The following ERP44 variants were observed in gnomAD, a reference collection of about 807,000 sequenced individuals.
ERP44 encodes the protein endoplasmic reticulum resident protein 44.
Under a neutral mutation model 53.4 loss-of-function variants are expected in ERP44, and 25 were observed. The observed-to-expected ratio is 0.47, with a 90% confidence interval of 0.34 to 0.65. ERP44 has a LOEUF of 0.65. Ranked by LOEUF, ERP44 falls within the 30% of genes least tolerant of loss-of-function variation. ERP44 has a pLI of 0.01. For missense variants in ERP44, 338 were observed against 493.2 expected (o/e 0.69, Z 2.98); for synonymous variants, 145 against 161.2 (o/e 0.90, Z 0.76).
intron 1 of ERP44, among the ~76,000 whole-genome samples, chr9:100,087,443 A>C (rs1167533230): frequency 6.6e-6 from 1 of 152,192 alleles, no homozygotes; most frequent in Non-Finnish European, 1.5e-5. Flanking sequence ...TTTCAAAAAA[A>C]GGGTATCTAT....
intron 4 of ERP44, among the ~76,000 whole-genome samples, chr9:100,026,616 C>CA (rs35969621): frequency 2.0e-5 from 3 of 151,918 alleles, no homozygotes; most frequent in African/African-American, 7.3e-5. Flanking sequence ...TTCATACTGG[C>CA]AAAAAATCAG....
chr9:99,989,917 G>A (rs1224869782), intron 10 of ERP44, among the ~76,000 whole-genome samples: 2 of 152,142 alleles, frequency 1.3e-5, no homozygotes, highest in African/African-American at 4.8e-5. Context: ...TGGAAGAAAG[G>A]GTATCAGTGA....
At chr9:99,998,780 C>T (rs1021048280) in intron 10 of ERP44, 46 of 850,670 alleles carry the variant, frequency 5.4e-5, no homozygotes, top group Non-Finnish European at 6.5e-5. Flanking sequence ...TCTCCTCCTC[C>T]GTTCTTCTCG....
chr9:99,997,647 C>G (rs1263324525), intron 10 of ERP44, among the ~76,000 whole-genome samples: 1 of 152,080 alleles, frequency 6.6e-6, no homozygotes, highest in Non-Finnish European at 1.5e-5. Context: ...TGGTTTAAAC[C>G]GTAATGGTTA....
At chr9:99,998,137 A>G (rs1830333564) in intron 10 of ERP44, among the ~76,000 whole-genome samples, 1 of 152,206 alleles carries the variant, frequency 6.6e-6, no homozygotes, top group African/African-American at 2.4e-5. Flanking sequence ...CATGATCACT[A>G]CTTTCTTTAG....
At chr9:100,040,309 T>G (rs906395731) in intron 4 of ERP44, among the ~76,000 whole-genome samples, 1 of 152,286 alleles carries the variant, frequency 6.6e-6, no homozygotes, top group Non-Finnish European at 1.5e-5. Flanking sequence ...AGAAAGATCA[T>G]TAATCATGAC....
At chr9:100,025,974 A>C (rs1225839931) in intron 4 of ERP44, among the ~76,000 whole-genome samples, 1 of 152,226 alleles carries the variant, frequency 6.6e-6, no homozygotes, top group Non-Finnish European at 1.5e-5. Context: ...TTTTTAAGAT[A>C]CCAGAAATCA....
chr9:100,078,790 T>G (rs1350761439), intron 1 of ERP44, among the ~76,000 whole-genome samples: 2 of 151,618 alleles, frequency 1.3e-5, no homozygotes, highest in Admixed American at 6.6e-5. Flanking sequence ...TAAAGAAAAA[T>G]ATCTTCATTT....
At chr9:100,068,259 C>G (rs1826249593) in intron 1 of ERP44, among the ~76,000 whole-genome samples, 1 of 141,284 alleles carries the variant, frequency 7.1e-6, no homozygotes, top group Admixed American at 7.0e-5. Flanking sequence ...TGAGGGGCGC[C>G]TCTGCCCAGC....
intron 4 of ERP44, among the ~76,000 whole-genome samples, chr9:100,046,260 G>T (rs1172663830): frequency 6.6e-6 from 1 of 151,998 alleles, no homozygotes; most frequent in East Asian, 1.9e-4. Context: ...AATGAAGACT[G>T]AGAAACAAAT....
At chr9:100,074,512 C>T (rs915885177) in intron 1 of ERP44, among the ~76,000 whole-genome samples, 22 of 152,044 alleles carry the variant, frequency 1.4e-4, no homozygotes, top group Admixed American at 3.9e-4. Context: ...AATTATAAAC[C>T]GAGAATCATG....
At chr9:99,996,644 A>G (rs1331531951) in intron 10 of ERP44, among the ~76,000 whole-genome samples, 1 of 152,024 alleles carries the variant, frequency 6.6e-6, no homozygotes, top group Non-Finnish European at 1.5e-5. Context: ...AGCAGTATAC[A>G]CTACACCCTA....
rs747310937 is a variant in ERP44, at chr9:100,052,486, C to T, written c.217G>A (p.Asp73Asn). The change falls in exon 4 of 12, where the codon GAT (aspartate) becomes AAT (asparagine). Residue 73 changes from aspartate to asparagine, a missense_variant. Physicochemically the swap from Asp to Asn is conservative, Grantham distance 23. Coordinates refer to ENST00000262455, the MANE Select transcript of ERP44 (RefSeq NM_015051.3). ...TTTGGAAATTCTTCCTTAATGACAT[C>T]GGAAGCTTCCTCAAAAATTGGATGC... ...MLHPIFEEAS[D>N]VIKEEFPNEN... 1.7e-5 allele frequency: 27 copies of T among 1,612,762 alleles called. No individual in the cohort carries two copies. The highest frequency in any genetic ancestry group is 4.5e-5 in the East Asian group (2 of 44,820).
At chr9:99,999,157 C>G (rs1392826629) in intron 10 of ERP44, 1 of 553,262 alleles carries the variant, frequency 1.8e-6, no homozygotes, top group African/African-American at 1.9e-5. Flanking sequence ...GGCCAGGGCT[C>G]CGCCCCCCGA....
At chr9:100,010,960 A>G (rs1830470084) in intron 8 of ERP44, among the ~76,000 whole-genome samples, 1 of 152,030 alleles carries the variant, frequency 6.6e-6, no homozygotes, top group African/African-American at 2.4e-5. Flanking sequence ...ATTTTTATAA[A>G]CTGTTAGCAG....
At chr9:100,050,386 C>G (rs1826023638) in intron 4 of ERP44, among the ~76,000 whole-genome samples, 1 of 152,050 alleles carries the variant, frequency 6.6e-6, no homozygotes, top group Admixed American at 6.5e-5. Flanking sequence ...TTTCAAAGCA[C>G]TGATACGTAT....
At chr9:100,075,216 TA>T (rs1826343187) in intron 1 of ERP44, among the ~76,000 whole-genome samples, 1 of 152,224 alleles carries the variant, frequency 6.6e-6, no homozygotes, top group African/African-American at 2.4e-5. Flanking sequence ...AGGATTATCG[TA>T]AGCTTAACCA....
rs563001259 is a variant in ERP44 at position 100,029,945 on chromosome 9, G to A, written c.287-7719C>T. On this transcript the variant is annotated intron_variant, in intron 4 of 11. Coordinates refer to ENST00000262455, the MANE Select transcript of ERP44 (RefSeq NM_015051.3). Reference sequence around the variant, plus strand: ...TCTACTAAAAATACAAAAATTAGCCGGGCGTGGTGGTGCGCACCTGTAGTT... The same window carrying A: ...TCTACTAAAAATACAAAAATTAGCCAGGCGTGGTGGTGCGCACCTGTAGTT... Among the ~76,000 whole-genome samples, 99 of 152,116 alleles carry A rather than the reference G, an allele frequency of 6.5e-4. 1 individual carries two copies. Among genetic ancestry groups the A allele is most frequent in the Non-Finnish European group, 2.6e-4 (18 of 67,986 alleles).
chr9:99,982,771 T>G, intron 11 of ERP44, 58 bp from the exon 12 acceptor site: 2 of 1,113,076 alleles, frequency 1.8e-6, no homozygotes, highest in Non-Finnish European at 1.3e-6. Context: ...GCTATAATAT[T>G]TTAATAAGTG....
Sources: allele counts gnomAD v4.1 joint callset (sites outside exome capture counted in the v4.1 genomes callset), GRCh38; gene constraint gnomAD v4.1.1; transcripts MANE v1.5; gene names NCBI Gene and HGNC (gene_info 2026-07-23, HGNC 2026-07-21).